The following MELK variants were observed in gnomAD, a reference collection of about 807,000 sequenced individuals.
MELK encodes the protein pEg3 kinase.
A neutral mutation model predicts 85.0 loss-of-function variants in MELK; 81 were observed. That is an observed-to-expected ratio of 0.95 (90% CI 0.80 to 1.15). The LOEUF is 1.15. Among genes scored for constraint, MELK ranks in the 50% most tolerant of loss-of-function variants. The pLI, the probability that MELK is intolerant of heterozygous loss-of-function variation, is 0.00. For synonymous variants in MELK, 252 were observed against 265.0 expected (o/e 0.95, Z 0.48); for missense variants, 754 against 777.5 (o/e 0.97, Z 0.36).
chr9:36,669,319 A>C lies in MELK; in HGVS notation c.1418A>C (p.Gln473Pro). 1 of 1,607,226 alleles carries C rather than the reference A, an allele frequency of 6.2e-7. No homozygotes were observed. The highest frequency in any genetic ancestry group is 8.5e-7 in the Non-Finnish European group (1 of 1,176,528). Residue 473 changes from glutamine (Q) to proline (P), a missense_variant, in exon 15 of 18, where the codon CAG becomes CCG. Gln to Pro is a moderately conservative substitution (Grantham distance 76, BLOSUM62 -1). Transcript: ENST00000298048. Reference sequence around the variant, plus strand: ...GTTCTGTTTCTAATAGCTAGAAACCAGTGCCTGAAAGAAACTCCAATTAAA... The same window carrying C: ...GTTCTGTTTCTAATAGCTAGAAACCCGTGCCTGAAAGAAACTCCAATTAAA... ...RYTTPSKARN[Q>P]CLKETPIKIP...
rs760412462 is a variant in MELK, at chr9:36,677,160, T to TTA, written c.1782_1783dup (p.Thr595IlefsTer3). ...TAGCTTCTTATCTTGTTTTTCACAGTTATACACTGAAGTGTCAAACACAGT... is the reference window on the plus strand; with the variant it reads ...TAGCTTCTTATCTTGTTTTTCACAGTTATATACACTGAAGTGTCAAACACAGT... On this transcript the variant is annotated frameshift_variant and splice_region_variant, in exon 18 of 18. Coordinates refer to ENST00000298048, the MANE Select transcript of MELK (RefSeq NM_014791.4). LOFTEE classifies it high-confidence loss of function. 6.2e-7 allele frequency: 1 copy of TTA among 1,613,014 alleles called. No individual in the cohort carries two copies. The highest frequency in any genetic ancestry group is 1.1e-5 in the South Asian group (1 of 90,776).
chr9:36,581,440 G>A (rs1323197267), intron 1 of MELK, among the ~76,000 whole-genome samples: 1 of 151,874 alleles, frequency 6.6e-6, no homozygotes, highest in African/African-American at 2.4e-5. Context: ...AGTTTTAAAG[G>A]TTTATGTTTC....
At chr9:36,644,323 C>G (rs983093501) in intron 11 of MELK, among the ~76,000 whole-genome samples, 1 of 151,636 alleles carries the variant, frequency 6.6e-6, no homozygotes, top group Non-Finnish European at 1.5e-5. Context: ...TGTTCCTGGC[C>G]CAGTACTATG....
At chr9:36,596,697 T>C (rs1263478887) in intron 5 of MELK, among the ~76,000 whole-genome samples, 1 of 150,764 alleles carries the variant, frequency 6.6e-6, no homozygotes, top group Non-Finnish European at 1.5e-5. Context: ...AGCAGTTCTT[T>C]TGCCTCAACC....
chr9:36,585,298 C>CTTTTTTTTTTTTTTTTTTTTTTTTTTT (rs1822764852), intron 3 of MELK, among the ~76,000 whole-genome samples: 1 of 106,942 alleles, frequency 9.4e-6, no homozygotes. Flanking sequence ...TTCTACCATT[C>CTTTTTTTTTTTTTTTTTTTTTTTTTTT]TTTGTTTTTT....
At chr9:36,631,698 C>T (rs1828643631) in intron 9 of MELK, among the ~76,000 whole-genome samples, 1 of 152,194 alleles carries the variant, frequency 6.6e-6, no homozygotes, top group Non-Finnish European at 1.5e-5. Context: ...CTTCAGCCTC[C>T]CAAGTAACTG....
At chr9:36,672,135 A>C (rs1424505533) in intron 16 of MELK, among the ~76,000 whole-genome samples, 3 of 152,178 alleles carry the variant, frequency 2.0e-5, no homozygotes, top group Non-Finnish European at 4.4e-5. Context: ...TTAGAGGAGA[A>C]TGTTCTGTGA....
chr9:36,638,165 A>T (rs1412250914), intron 10 of MELK, among the ~76,000 whole-genome samples: 2 of 152,226 alleles, frequency 1.3e-5, no homozygotes, highest in Non-Finnish European at 2.9e-5. Context: ...AGATGCCAAA[A>T]TGAAGAAAGT....
chr9:36,664,177 T>C (rs997526675), intron 13 of MELK, among the ~76,000 whole-genome samples: 5 of 152,226 alleles, frequency 3.3e-5, no homozygotes, highest in Non-Finnish European at 2.9e-5. Context: ...CTTTTTCAAA[T>C]CTATTTGAAC....
rs564075289 is a variant in MELK, at chr9:36,638,788, A to G, written c.835-4209A>G. 5.9e-5 allele frequency among the ~76,000 whole-genome samples: 9 copies of G among 152,312 alleles called. No individual in the cohort carries two copies. The East Asian group carries it at 1.2e-3, about 20-fold the overall frequency. On this transcript the variant is annotated intron_variant, in intron 10 of 17. Coordinates refer to ENST00000298048, the MANE Select transcript of MELK (RefSeq NM_014791.4). Reference sequence around the variant, plus strand: ...TTTAATCCATTTAATCTGTACGCCAATCCTCCGAAGAAGGTACTATTATTG... The same window carrying G: ...TTTAATCCATTTAATCTGTACGCCAGTCCTCCGAAGAAGGTACTATTATTG...
intron 12 of MELK, among the ~76,000 whole-genome samples, chr9:36,653,994 G>T (rs1456671621): frequency 7.1e-6 from 1 of 141,798 alleles, no homozygotes; most frequent in Non-Finnish European, 1.5e-5. Context: ...ACTGGCTGTT[G>T]TGTAAAGAAA....
intron 14 of MELK, among the ~76,000 whole-genome samples, chr9:36,668,821 C>A (rs767316858): frequency 1.3e-5 from 2 of 152,172 alleles, no homozygotes; most frequent in African/African-American, 2.4e-5. Flanking sequence ...CCAAAGCTTA[C>A]ATCTCTTTAA....
intron 10 of MELK, among the ~76,000 whole-genome samples, chr9:36,636,394 C>T (rs915952570): frequency 6.6e-6 from 1 of 151,814 alleles, no homozygotes; most frequent in Non-Finnish European, 1.5e-5. Context: ...CCCAACTACT[C>T]GGGAGGCTGA....
At chr9:36,594,568 A>T in intron 4 of MELK, 60 bp from the exon 5 acceptor site, 1 of 1,563,638 alleles carries the variant, frequency 6.4e-7, no homozygotes, top group Non-Finnish European at 8.7e-7. Flanking sequence ...TTTTATTTTA[A>T]ATTTCTGTGA....
At chr9:36,583,986 CTTTCT>C (rs1054467485) in intron 3 of MELK, among the ~76,000 whole-genome samples, 2 of 152,068 alleles carry the variant, frequency 1.3e-5, no homozygotes, top group Admixed American at 6.6e-5. Context: ...TGTGTCCCAT[CTTTCT>C]TTTCTTTTCT....
chr9:36,586,764 T>C (rs1005821923), intron 3 of MELK, among the ~76,000 whole-genome samples: 5 of 152,238 alleles, frequency 3.3e-5, no homozygotes, highest in African/African-American at 9.6e-5. Context: ...TAATTCATGA[T>C]TTCTAAACTT....
chr9:36,642,139 T>G (rs1325142138), intron 10 of MELK, among the ~76,000 whole-genome samples: 1 of 152,184 alleles, frequency 6.6e-6, no homozygotes, highest in East Asian at 1.9e-4. Context: ...AAATGAATTT[T>G]GTATAGAGGC....
rs1443303021 is a variant in MELK at position 36,589,660 on chromosome 9, G to A, written c.261+8G>A. On this transcript the variant is annotated splice_region_variant and intron_variant, in intron 4 of 17. Transcript: ENST00000298048. Reference sequence around the variant, plus strand: ...ATATTCATGGTTCTTGAGGTTAGTAGTATGTTCCAGATACCTGAAAACATT... The same window carrying A: ...ATATTCATGGTTCTTGAGGTTAGTAATATGTTCCAGATACCTGAAAACATT... 22 of 1,560,282 alleles carry A rather than the reference G, an allele frequency of 1.4e-5. No homozygotes were observed. Among genetic ancestry groups the A allele is most frequent in the African/African-American group, 2.7e-5 (2 of 73,828 alleles).
At chr9:36,589,828 A>G (rs1823344814) in intron 4 of MELK, among the ~76,000 whole-genome samples, 176 bp downstream of exon 4, 1 of 151,986 alleles carries the variant, frequency 6.6e-6, no homozygotes, top group South Asian at 2.1e-4. Context: ...TTCAATGTAA[A>G]TGTCATTTTT....
Sources: gnomAD v4.1 joint callset for allele counts (sites outside exome capture counted in the v4.1 genomes callset) on GRCh38, gnomAD v4.1.1 for gene constraint, MANE v1.5 for transcripts, NCBI Gene and HGNC (gene_info 2026-07-23, HGNC 2026-07-21) for gene names.